The following DGKG variants were observed in gnomAD, a reference collection of about 807,000 sequenced individuals.
DGKG encodes diacylglycerol kinase gamma.
A neutral mutation model predicts 105.3 loss-of-function variants in DGKG; 78 were observed. The observed-to-expected ratio is 0.74, with a 90% CI of 0.62 to 0.89. The LOEUF is 0.89. Ranked by LOEUF, DGKG falls within the 40% of genes least tolerant of loss-of-function variation. The pLI is 0.00. For synonymous variants in DGKG, 346 were observed against 367.1 expected (o/e 0.94, Z 0.66); for missense variants, 958 against 1,020.1 (o/e 0.94, Z 0.83).
intron 22 of DGKG, among the ~76,000 whole-genome samples, chr3:186,178,183 G>A (rs894498030): frequency 2.2e-4 from 33 of 152,138 alleles, no homozygotes; most frequent in Admixed American, 1.4e-3. Flanking sequence ...TGTTGTTTAC[G>A]CCACACAGTC....
At position 186,158,321 on chromosome 3, in the gene DGKG, GT is replaced by G. The variant is rs562006899; in HGVS notation, c.2277+3281del. On this transcript the variant is annotated intron_variant, in intron 24 of 24. Coordinates refer to ENST00000265022, the MANE Select transcript of DGKG (RefSeq NM_001346.3). Reference sequence around the variant, plus strand: ...GGCTTTTAATTTACTTCCAAATATAGTTTAGGCTATATTCTATAATTTTTAA... The same window carrying G: ...GGCTTTTAATTTACTTCCAAATATAGTTAGGCTATATTCTATAATTTTTAA... 8.1e-5 allele frequency: 74 copies of G among 915,424 alleles called. 1 individual carries two copies. In the African/African-American group the frequency reaches 1.2e-3, roughly 15 times the overall value. 56.7% of individuals were successfully genotyped at this position (915,424 alleles called of 1,614,324 possible).
chr3:186,327,964 A>G (rs563329274), intron 1 of DGKG, among the ~76,000 whole-genome samples: 19 of 151,892 alleles, frequency 1.3e-4, no homozygotes, highest in South Asian at 8.4e-4. Flanking sequence ...TCACCTCCCC[A>G]TTCTCACCCC....
rs1029777357 is a variant in DGKG, at chr3:186,279,857, A to T, written c.786T>A (p.Asp262Glu). The change falls in exon 9 of 25, where the codon GAT becomes GAA. Residue 262 changes from aspartate (D) to glutamate (E), a missense_variant. Coordinates refer to ENST00000265022, the MANE Select transcript of DGKG (RefSeq NM_001346.3). ...CTCCAGCTTGTTGACTTACAGAGTCATCCATCCCCAGGAGGACCAGCAATG... is the reference window on the plus strand; with the variant it reads ...CTCCAGCTTGTTGACTTACAGAGTCTTCCATCCCCAGGAGGACCAGCAATG... Reference protein sequence around the residue: ...TIPLLVLLGMDDSGSKGDGRH... With the variant: ...TIPLLVLLGMEDSGSKGDGRH... The T allele has an allele frequency of 2.5e-6, 4 of 1,613,596 alleles. No homozygotes were observed. Among genetic ancestry groups the T allele is most frequent in the Non-Finnish European group, 2.5e-6 (3 of 1,179,868 alleles).
intron 21 of DGKG, among the ~76,000 whole-genome samples, chr3:186,204,190 A>G (rs1161152966): frequency 1.3e-5 from 2 of 151,988 alleles, no homozygotes; most frequent in Admixed American, 6.6e-5. Flanking sequence ...AGGTAGATCT[A>G]TTGAGGTCAG....
At chr3:186,302,055 G>T (rs114020129) in intron 3 of DGKG, among the ~76,000 whole-genome samples, 1 of 152,040 alleles carries the variant, frequency 6.6e-6, no homozygotes, top group Non-Finnish European at 1.5e-5. Flanking sequence ...GGCCCAACCC[G>T]GATTCCACTT....
chr3:186,165,676 T>A (rs552279685), intron 22 of DGKG, among the ~76,000 whole-genome samples: 149 of 152,276 alleles, frequency 9.8e-4, no homozygotes, highest in Non-Finnish European at 1.8e-3. Flanking sequence ...AGGCTCAGAG[T>A]CACTCAGGAC....
chr3:186,352,936 T>C (rs1257855354), intron 1 of DGKG, among the ~76,000 whole-genome samples: 1 of 152,166 alleles, frequency 6.6e-6, no homozygotes, highest in Non-Finnish European at 1.5e-5. Context: ...CACACTTTAA[T>C]GTGACAAACG....
At chr3:186,193,422 TATC>T (rs1467015350) in intron 21 of DGKG, among the ~76,000 whole-genome samples, 1 of 152,222 alleles carries the variant, frequency 6.6e-6, no homozygotes, top group Non-Finnish European at 1.5e-5. Context: ...CTGTCTGCGT[TATC>T]ATCACAGGTT....
rs1361246336 is a variant in DGKG at position 186,148,885 on chromosome 3, C to CT, written c.*1204_*1205insA. 1 of 983,626 alleles carries CT rather than the reference C, an allele frequency of 1.0e-6. No individual in the cohort carries two copies. The highest frequency in any genetic ancestry group is 1.2e-6 in the Non-Finnish European group (1 of 829,404). 60.9% of individuals were successfully genotyped at this position (983,626 alleles called of 1,614,324 possible). On this transcript the variant is annotated 3_prime_UTR_variant, in exon 25 of 25. Coordinates refer to ENST00000265022, the MANE Select transcript of DGKG (RefSeq NM_001346.3). Reference sequence around the variant, plus strand: ...GTGGGGGAGTGAGAACCTTCTTTTTCCTTACCACTTTCTGTCTCATACTAC... The same window carrying CT: ...GTGGGGGAGTGAGAACCTTCTTTTTCTCTTACCACTTTCTGTCTCATACTAC...
chr3:186,183,522 C>A (rs1468007073), intron 22 of DGKG, among the ~76,000 whole-genome samples: 2 of 151,438 alleles, frequency 1.3e-5, no homozygotes, highest in Non-Finnish European at 2.9e-5. Flanking sequence ...GGCGGGGTAA[C>A]TACTTGAGGC....
chr3:186,281,387 G>C (rs1722822316), intron 7 of DGKG: 1 of 152,276 alleles, frequency 6.6e-6, no homozygotes, highest in South Asian at 2.1e-4. Flanking sequence ...AAACCTCACA[G>C]AATTGTTGGC....
At chr3:186,302,488 A>ATATATACATATG (rs1723988237) in intron 3 of DGKG, among the ~76,000 whole-genome samples, 11 of 24,178 alleles carry the variant, frequency 4.5e-4, no homozygotes, top group South Asian at 9.7e-4. Context: ...ATATATATAT[A>ATATATACATATG]TATATATATA....
At chr3:186,244,446 C>A (rs1424290531) in intron 19 of DGKG, among the ~76,000 whole-genome samples, 1 of 150,266 alleles carries the variant, frequency 6.7e-6, no homozygotes, top group East Asian at 1.9e-4. Context: ...ACTCTGTCAC[C>A]CAAGCTGGAG....
chr3:186,262,181 C>T (rs924166048), intron 14 of DGKG, among the ~76,000 whole-genome samples: 3 of 152,128 alleles, frequency 2.0e-5, no homozygotes, highest in Admixed American at 6.5e-5. Flanking sequence ...CCGCTTCCAC[C>T]CTGGCGCCTT....
At chr3:186,286,569 T>G (rs1369184554) in intron 6 of DGKG, among the ~76,000 whole-genome samples, 1 of 152,258 alleles carries the variant, frequency 6.6e-6, no homozygotes, top group Non-Finnish European at 1.5e-5. Flanking sequence ...ATTATTGCAT[T>G]GGCAATAGGT....
Position 186,306,887 on chromosome 3 carries a change from G to T in DGKG, c.144+14C>A. 1 of 1,581,206 alleles carries T rather than the reference G, an allele frequency of 6.3e-7. No homozygotes were observed. The highest frequency in any genetic ancestry group is 8.7e-7 in the Non-Finnish European group (1 of 1,151,804). ...ACAGGGGTTTTTAAAGGCTTAAAATGGAAATGTTCTTACCTCATGTGGGTC... is the reference window on the plus strand; with the variant it reads ...ACAGGGGTTTTTAAAGGCTTAAAATTGAAATGTTCTTACCTCATGTGGGTC... On this transcript the variant is annotated intron_variant, in intron 3 of 24. Coordinates refer to ENST00000265022, the MANE Select transcript of DGKG (RefSeq NM_001346.3).
chr3:186,299,620 CTCTT>C (rs558656872), intron 3 of DGKG, among the ~76,000 whole-genome samples: 21 of 152,218 alleles, frequency 1.4e-4, no homozygotes, highest in Middle Eastern at 3.4e-3. Flanking sequence ...GTCTCTGTGT[CTCTT>C]TATTTCACAC....
At chr3:186,239,579 T>C (rs1475615636) in intron 20 of DGKG, among the ~76,000 whole-genome samples, 3 of 152,248 alleles carry the variant, frequency 2.0e-5, no homozygotes, top group African/African-American at 7.2e-5. Context: ...CTGGGTATTT[T>C]AGACATGGGC....
At chr3:186,249,994 G>T (rs1721128725) in intron 19 of DGKG, among the ~76,000 whole-genome samples, 1 of 152,164 alleles carries the variant, frequency 6.6e-6, no homozygotes, top group Non-Finnish European at 1.5e-5. Flanking sequence ...GTATCACAGA[G>T]TCTGGGGCAG....
Sources: gnomAD v4.1 joint callset for allele counts (sites outside exome capture counted in the v4.1 genomes callset) on GRCh38, gnomAD v4.1.1 for gene constraint, MANE v1.5 for transcripts, NCBI Gene and HGNC (gene_info 2026-07-23, HGNC 2026-07-21) for gene names.